ADAD1: variants seen among roughly 807,000 people sequenced by gnomAD.
ADAD1 encodes the protein adenosine deaminase domain containing 1.
In ADAD1, 46 loss-of-function variants were observed where a neutral mutation model predicts 66.8. The ratio of observed to expected loss-of-function variants is 0.69; its 90% CI spans 0.54 to 0.88. The LOEUF is 0.88. Among genes scored for constraint, ADAD1 ranks in the 40% least tolerant of loss-of-function variants. ADAD1 has a pLI of 0.00. For synonymous variants in ADAD1, 248 were observed against 229.4 expected, an observed-to-expected ratio of 1.08 and a Z score of -0.73; for missense variants, 617 against 681.8, an observed-to-expected ratio of 0.91 and a Z score of 1.06.
chr4:122,422,821 C>G (rs565877758), intron 12 of ADAD1, among the ~76,000 whole-genome samples: 1 of 151,796 alleles, frequency 6.6e-6, no homozygotes, highest in African/African-American at 2.4e-5. Flanking sequence ...ACATGGTGGC[C>G]CACAGCTCTA....
chr4:122,408,774 T>G (rs1796338529), intron 8 of ADAD1, among the ~76,000 whole-genome samples: 2 of 152,146 alleles, frequency 1.3e-5, no homozygotes, highest in Admixed American at 1.3e-4. Flanking sequence ...TCCCATCTAC[T>G]TTGGAGAATG....
chr4:122,403,261 T>C (rs1796057771), intron 7 of ADAD1, among the ~76,000 whole-genome samples: 1 of 152,160 alleles, frequency 6.6e-6, no homozygotes, highest in Non-Finnish European at 1.5e-5. Context: ...ATTATTGCCC[T>C]TCTGGGTGTA....
chr4:122,421,144 T>C (rs1006808094), intron 11 of ADAD1, 117 bp from the exon 12 acceptor site: 10 of 710,290 alleles, frequency 1.4e-5, no homozygotes, highest in Non-Finnish European at 1.8e-5. Flanking sequence ...AAAATTACTA[T>C]GTATATTGCA....
chr4:122,406,897 C>T (rs1796237943), intron 7 of ADAD1, among the ~76,000 whole-genome samples: 1 of 152,080 alleles, frequency 6.6e-6, no homozygotes, highest in South Asian at 2.1e-4. Context: ...CATATAAGCC[C>T]CATAATTGTT....
At position 122,412,796 on chromosome 4, in the gene ADAD1, C is replaced by T; in HGVS notation, c.1236C>T (p.Ser412=). ...ATTTTATACAGCCAGTTTACATCAG[C>T]AGTATACTTATTGGTGAGTGGGATT... ...LSHFIQPVYI[S]SILIGDGNCS... The change falls in exon 10 of 13, where the codon AGC becomes AGT. Residue 412 remains serine (S), a synonymous_variant. Coordinates refer to ENST00000296513, the MANE Select transcript of ADAD1 (RefSeq NM_139243.4). 2 of 1,613,536 alleles carry T rather than the reference C, an allele frequency of 1.2e-6. No homozygotes were observed. The highest frequency in any genetic ancestry group is 1.3e-5 in the African/African-American group (1 of 75,050).
chr4:122,386,696 T>G (rs1795190924), intron 5 of ADAD1, among the ~76,000 whole-genome samples: 1 of 152,242 alleles, frequency 6.6e-6, no homozygotes, highest in Non-Finnish European at 1.5e-5. Context: ...TTAATCCATC[T>G]TGAGTTAATT....
chr4:122,414,395 T>A (rs1796632868), intron 10 of ADAD1, among the ~76,000 whole-genome samples: 1 of 151,564 alleles, frequency 6.6e-6, no homozygotes, highest in African/African-American at 2.4e-5. Context: ...TCCTCACACA[T>A]TTTTTTTCCA....
At chr4:122,413,498 T>G (rs1796564712) in intron 10 of ADAD1, among the ~76,000 whole-genome samples, 1 of 152,122 alleles carries the variant, frequency 6.6e-6, no homozygotes, top group Non-Finnish European at 1.5e-5. Flanking sequence ...CTTTTTACAA[T>G]ATATCTTGCA....
At chr4:122,398,477 T>G (rs1419591470) in intron 7 of ADAD1, among the ~76,000 whole-genome samples, 1 of 152,148 alleles carries the variant, frequency 6.6e-6, no homozygotes, top group East Asian at 1.9e-4. Context: ...CTTTTTTTCC[T>G]CTGGGTAGAT....
At chr4:122,384,141 T>C (rs902038980) in intron 5 of ADAD1, among the ~76,000 whole-genome samples, 175 bp downstream of exon 5, 1 of 152,234 alleles carries the variant, frequency 6.6e-6, no homozygotes, top group African/African-American at 2.4e-5. Context: ...TAAAATGCTC[T>C]TGCATATTTC....
intron 12 of ADAD1, among the ~76,000 whole-genome samples, chr4:122,423,998 T>G (rs1247533519): frequency 1.3e-5 from 2 of 152,188 alleles, no homozygotes; most frequent in Admixed American, 6.5e-5. Context: ...TTGTGACTCG[T>G]GAATTATATC....
At chr4:122,387,181 T>G (rs1424603618) in intron 5 of ADAD1, among the ~76,000 whole-genome samples, 1 of 152,170 alleles carries the variant, frequency 6.6e-6, no homozygotes, top group East Asian at 1.9e-4. Context: ...GATGGAATGT[T>G]TTTCCATTTG....
chr4:122,413,016 T>C (rs1423764106), intron 10 of ADAD1, among the ~76,000 whole-genome samples: 1 of 151,968 alleles, frequency 6.6e-6, no homozygotes, highest in Non-Finnish European at 1.5e-5. Flanking sequence ...GAGGCAGAGG[T>C]TGTGGGATAA....
At chr4:122,398,756 T>G (rs913194502) in intron 7 of ADAD1, among the ~76,000 whole-genome samples, 1 of 152,132 alleles carries the variant, frequency 6.6e-6, no homozygotes, top group Non-Finnish European at 1.5e-5. Flanking sequence ...CATATATTTT[T>G]GTCCATGTTA....
At chr4:122,402,551 G>A (rs552124410) in intron 7 of ADAD1, among the ~76,000 whole-genome samples, 6 of 152,170 alleles carry the variant, frequency 3.9e-5, no homozygotes, top group African/African-American at 1.2e-4. Context: ...CTCTAGCAAG[G>A]CCTGTGAAGT....
chr4:122,406,773 T>C (rs1231297960), intron 7 of ADAD1, among the ~76,000 whole-genome samples: 2 of 152,106 alleles, frequency 1.3e-5, no homozygotes, highest in Admixed American at 1.3e-4. Flanking sequence ...GCACGTGTTA[T>C]TTCTTTTGGC....
At position 122,415,513 on chromosome 4, in the gene ADAD1, C is replaced by G. The variant is rs756652881; in HGVS notation, c.1384C>G (p.Pro462Ala). 1.9e-6 allele frequency: 3 copies of G among 1,613,910 alleles called. No individual in the cohort carries two copies. The highest frequency in any genetic ancestry group is 2.5e-6 in the Non-Finnish European group (3 of 1,179,872). Reference protein sequence around the residue: ...PHISLVPSAYPLQMNLEYKFL... With the variant: ...PHISLVPSAYALQMNLEYKFL... ...TATTAGTTTAGTACCCTCTGCATAT[C>G]CCCTTCAAATGAACTTGGAATATAA... The change falls in exon 11 of 13, where the codon CCC (proline) becomes GCC (alanine). Residue 462 changes from proline (P) to alanine (A), a missense_variant. Coordinates refer to ENST00000296513, the MANE Select transcript of ADAD1 (RefSeq NM_139243.4).
intron 11 of ADAD1, among the ~76,000 whole-genome samples, chr4:122,416,673 C>T (rs536904905): frequency 2.5e-4 from 38 of 151,536 alleles, no homozygotes; most frequent in Non-Finnish European, 4.9e-4. Context: ...TTTGAAGCTG[C>T]AGTGAGCTAT....
chr4:122,383,991 T>C (rs1263557333), intron 5 of ADAD1, 25 bp downstream of exon 5: 2 of 1,554,442 alleles, frequency 1.3e-6, no homozygotes, highest in Admixed American at 4.0e-5. Context: ...TTATAAAGTA[T>C]TTATAAGAGG....
Sources: allele counts gnomAD v4.1 joint callset (sites outside exome capture counted in the v4.1 genomes callset), GRCh38; gene constraint gnomAD v4.1.1; transcripts MANE v1.5; gene names NCBI Gene and HGNC (gene_info 2026-07-23, HGNC 2026-07-21).